COL25A1: variants seen among roughly 807,000 people sequenced by gnomAD.
COL25A1 encodes the protein collagen alpha-1(XXV) chain.
COL25A1 carries 103 observed loss-of-function variants against 128.4 expected under a neutral mutation model. The observed-to-expected ratio is 0.80, with a 90% confidence interval of 0.68 to 0.94. The LOEUF (loss-of-function observed/expected upper bound fraction) is 0.94, where lower values mean the gene tolerates loss of function less well. Ranked by LOEUF, COL25A1 falls within the 40% of genes least tolerant of loss-of-function variation. The probability of loss-of-function intolerance (pLI) is 0.00; values close to 1 mark genes in which losing one functional copy is unlikely to be tolerated. For synonymous variants in COL25A1, 279 were observed against 277.2 expected (o/e 1.01, Z -0.06); for missense variants, 745 against 840.0 (o/e 0.89, Z 1.40).
At chr4:109,003,661 C>A (rs753613881) in intron 6 of COL25A1, among the ~76,000 whole-genome samples, 30 of 152,200 alleles carry the variant, frequency 2.0e-4, no homozygotes, top group Non-Finnish European at 3.4e-4. Context: ...GGTAGCCTGG[C>A]GTGGTGGCGG....
chr4:108,969,313 C>T (rs1751658292), intron 8 of COL25A1, among the ~76,000 whole-genome samples: 1 of 152,158 alleles, frequency 6.6e-6, no homozygotes, highest in African/African-American at 2.4e-5. Context: ...GAAAATGTTG[C>T]TTTCTTGATT....
intron 13 of COL25A1, among the ~76,000 whole-genome samples, chr4:108,903,324 T>A (rs1309824063): frequency 6.6e-6 from 1 of 152,028 alleles, no homozygotes; most frequent in Non-Finnish European, 1.5e-5. Context: ...TGGTCTTTGA[T>A]ATTTATGGTT....
intron 3 of COL25A1, among the ~76,000 whole-genome samples, chr4:109,254,671 A>G (rs1407603654): frequency 1.3e-5 from 2 of 151,624 alleles, no homozygotes; most frequent in Non-Finnish European, 2.9e-5. Flanking sequence ...CCTTGCATAT[A>G]GTAGATAGTA....
chr4:108,995,375 G>A (rs887215651), intron 6 of COL25A1, among the ~76,000 whole-genome samples: 3 of 152,124 alleles, frequency 2.0e-5, no homozygotes, highest in Non-Finnish European at 4.4e-5. Context: ...ATCAGTGATT[G>A]AAGATCAAAT....
intron 3 of COL25A1, among the ~76,000 whole-genome samples, chr4:109,099,324 C>T (rs1354043450): frequency 1.3e-5 from 2 of 152,068 alleles, no homozygotes; most frequent in Non-Finnish European, 2.9e-5. Flanking sequence ...TTGGAAAAGC[C>T]AGCATTGCAC....
chr4:108,855,189 C>CTGTTT (rs1736331510), intron 24 of COL25A1, among the ~76,000 whole-genome samples: 2 of 42,634 alleles, frequency 4.7e-5, no homozygotes, highest in African/African-American at 1.6e-4. Context: ...GCTGTTGTTA[C>CTGTTT]TGTTTTTTTT....
Position 109,229,736 on chromosome 4 carries a change from C to T in COL25A1, c.367+70847G>A, listed in dbSNP as rs547730192. On this transcript the variant is annotated intron_variant, in intron 3 of 37. Transcript: ENST00000399132. ...ATCACCTTGTTAGAGTGTTGGGCAA[C>T]TCAAATTTTTCAACCCTCTGCACAT... 2.0e-5 allele frequency among the ~76,000 whole-genome samples: 3 copies of T among 152,202 alleles called. No homozygotes were observed. The East Asian group carries it at 5.8e-4, about 29-fold the overall frequency.
intron 19 of COL25A1, among the ~76,000 whole-genome samples, chr4:108,877,472 A>C (rs1739581669): frequency 6.6e-6 from 1 of 152,156 alleles, no homozygotes; most frequent in Non-Finnish European, 1.5e-5. Flanking sequence ...AAATGATGTA[A>C]ACTACAGAAG....
intron 3 of COL25A1, among the ~76,000 whole-genome samples, chr4:109,133,608 T>C (rs1244565312): frequency 6.6e-6 from 1 of 152,196 alleles, no homozygotes; most frequent in African/African-American, 2.4e-5. Context: ...TATGTTAATA[T>C]GTATTAGCAG....
chr4:109,282,312 C>A (rs1270300398), intron 3 of COL25A1, among the ~76,000 whole-genome samples: 1 of 152,036 alleles, frequency 6.6e-6, no homozygotes, highest in African/African-American at 2.4e-5. Context: ...ACCTTCAGGA[C>A]AAAACATCAA....
rs573529883 is a variant in COL25A1 at position 109,225,814 on chromosome 4, G to A, written c.367+74769C>T. 2.0e-5 allele frequency among the ~76,000 whole-genome samples: 3 copies of A among 151,716 alleles called. No homozygotes were observed. In the East Asian group the frequency reaches 5.8e-4, roughly 29 times the overall value. ...ACATACACACACATACAATTTCATTGTGTGCACATATTTACATATATAAAA... is the reference window on the plus strand; with the variant it reads ...ACATACACACACATACAATTTCATTATGTGCACATATTTACATATATAAAA... On this transcript the variant is annotated intron_variant, in intron 3 of 37. Coordinates refer to ENST00000399132, the MANE Select transcript of COL25A1 (RefSeq NM_198721.4).
At chr4:109,233,466 G>A (rs773947757) in intron 3 of COL25A1, among the ~76,000 whole-genome samples, 1 of 150,882 alleles carries the variant, frequency 6.6e-6, no homozygotes, top group Admixed American at 6.6e-5. Context: ...GTGAGTATGT[G>A]GATTTTTTTT....
chr4:109,203,353 G>T (rs1263441470), intron 3 of COL25A1, among the ~76,000 whole-genome samples: 2 of 151,946 alleles, frequency 1.3e-5, no homozygotes, highest in African/African-American at 2.4e-5. Flanking sequence ...ACCAAACAAA[G>T]ACATTTTTGG....
intron 3 of COL25A1, among the ~76,000 whole-genome samples, chr4:109,119,671 C>T (rs2126051604): frequency 6.6e-6 from 1 of 152,046 alleles, no homozygotes; most frequent in East Asian, 1.9e-4. Context: ...AGCACCAAAC[C>T]AAGATAGCTT....
chr4:108,828,415 G>A (rs772887681), intron 32 of COL25A1, among the ~76,000 whole-genome samples: 2 of 152,136 alleles, frequency 1.3e-5, no homozygotes, highest in East Asian at 1.9e-4. Context: ...GATTACAGGC[G>A]TGAGCCACCG....
chr4:109,103,998 A>G (rs1473852288), intron 3 of COL25A1, among the ~76,000 whole-genome samples: 1 of 152,196 alleles, frequency 6.6e-6, no homozygotes, highest in African/African-American at 2.4e-5. Context: ...CTCAACAGAC[A>G]ATGATTTCAG....
At chr4:109,041,887 C>CA (rs1759935795) in intron 5 of COL25A1, among the ~76,000 whole-genome samples, 2 of 151,884 alleles carry the variant, frequency 1.3e-5, no homozygotes, top group Non-Finnish European at 2.9e-5. Flanking sequence ...CATCAATATG[C>CA]AAAAAAATGA....
At chr4:108,835,680 G>A (rs985451247) in intron 31 of COL25A1, among the ~76,000 whole-genome samples, 2 of 151,504 alleles carry the variant, frequency 1.3e-5, no homozygotes, top group South Asian at 2.1e-4. Flanking sequence ...TCAGCCTCCC[G>A]AGTAGCTGGG....
At chr4:109,223,527 CA>C (rs1280457763) in intron 3 of COL25A1, among the ~76,000 whole-genome samples, 1 of 152,076 alleles carries the variant, frequency 6.6e-6, no homozygotes, top group East Asian at 1.9e-4. Flanking sequence ...TGGCAGCACC[CA>C]AAACCAAGTC....
Sources: gnomAD v4.1 joint callset for allele counts (sites outside exome capture counted in the v4.1 genomes callset) on GRCh38, gnomAD v4.1.1 for gene constraint, MANE v1.5 for transcripts, NCBI Gene and HGNC (gene_info 2026-07-23, HGNC 2026-07-21) for gene names.